PHF6: variants seen among roughly 807,000 people sequenced by gnomAD.
The protein encoded by PHF6 is PHD-like zinc finger protein.
In PHF6, 7 loss-of-function variants were observed where a neutral mutation model predicts 34.0. The ratio of observed to expected loss-of-function variants is 0.21; its 90% confidence interval spans 0.12 to 0.39. PHF6 has a LOEUF of 0.39. Among genes scored for constraint, PHF6 ranks in the 10% least tolerant of loss-of-function variants. The probability of loss-of-function intolerance (pLI) is 1.00; values close to 1 mark genes in which losing one functional copy is unlikely to be tolerated. For synonymous variants in PHF6, 89 were observed against 88.4 expected (o/e 1.01, Z -0.04); for missense variants, 128 against 262.8 (o/e 0.49, Z 3.55).
intron 3 of PHF6, among the ~76,000 whole-genome samples, chrX:134,391,536 A>G (rs2077354541): frequency 9.0e-6 from 1 of 111,473 alleles, no homozygotes; most frequent in South Asian, 3.7e-4. Context: ...TGTTGAGCTC[A>G]ATATAGTATT....
At chrX:134,399,686 G>GACACACACACACAC (rs749494093) in intron 5 of PHF6, among the ~76,000 whole-genome samples, 14 of 95,532 alleles carry the variant, frequency 1.5e-4, no homozygotes, top group African/African-American at 5.7e-4. Flanking sequence ...CACACACACA[G>GACACACACACACAC]ACACACACAC....
At chrX:134,406,568 T>A (rs911664184) in intron 5 of PHF6, among the ~76,000 whole-genome samples, 4 of 110,833 alleles carry the variant, frequency 3.6e-5, no homozygotes, top group African/African-American at 1.3e-4. Flanking sequence ...AGGAAGAGAG[T>A]TGGTGTCCTG....
intron 5 of PHF6, among the ~76,000 whole-genome samples, chrX:134,396,151 A>AC (rs2077376226): frequency 9.0e-6 from 1 of 111,695 alleles, no homozygotes; most frequent in African/African-American, 3.3e-5. Context: ...AATGTGAAAT[A>AC]AGTACATCAT....
At chrX:134,423,952 G>C (rs1412627116) in intron 9 of PHF6, among the ~76,000 whole-genome samples, 1 of 109,351 alleles carries the variant, frequency 9.1e-6, no homozygotes, top group Non-Finnish European at 1.9e-5. Context: ...CACATACCAG[G>C]GCCGGTCGTG....
At chrX:134,403,446 G>A (rs2077410994) in intron 5 of PHF6, among the ~76,000 whole-genome samples, 1 of 112,153 alleles carries the variant, frequency 8.9e-6, no homozygotes, top group South Asian at 3.7e-4. Context: ...AGAAAAGTTT[G>A]AAGCTAGCAG....
chrX:134,390,802 G>A (rs1165527742), intron 3 of PHF6, among the ~76,000 whole-genome samples: 1 of 110,386 alleles, frequency 9.1e-6, no homozygotes, highest in Non-Finnish European at 1.9e-5. Context: ...ACATAGTTGG[G>A]TTCATAATTC....
At chrX:134,410,913 C>T (rs775563576) in intron 5 of PHF6, among the ~76,000 whole-genome samples, 53 of 107,245 alleles carry the variant, frequency 4.9e-4, no homozygotes, top group African/African-American at 1.7e-3. Context: ...AGCCACTGCG[C>T]CCGGCCTTTT....
In PHF6 at chrX:134,393,959, C is replaced by A; in HGVS notation, c.418+7C>A. The stretch of plus-strand genomic sequence containing the variant: ...ACTGCACATAACTCCGAAGGTACAT[C>A]ATTTAGCCACGTTTCAGCCACTTTT... On this transcript the variant is annotated splice_region_variant and intron_variant, in intron 5 of 10. Coordinates refer to ENST00000370803, the MANE Select transcript of PHF6 (RefSeq NM_001015877.2). 1 of 1,207,910 alleles carries A rather than the reference C, an allele frequency of 8.3e-7. No individual in the cohort carries two copies.
intron 6 of PHF6, 64 bp from the exon 7 acceptor site, chrX:134,413,759 T>C: frequency 8.3e-7 from 1 of 1,198,469 alleles, no homozygotes; most frequent in Non-Finnish European, 1.1e-6. Flanking sequence ...TTAAGTAAGC[T>C]TGAAATACCG....
Position 134,394,834 on chromosome X carries a change from C to T in PHF6, c.418+882C>T, listed in dbSNP as rs186875280. Among the ~76,000 whole-genome samples, 407 of 109,184 alleles carry T rather than the reference C, an allele frequency of 3.7e-3. 2 individuals carry two copies. The highest frequency in any genetic ancestry group is 5.9e-3 in the Admixed American group (60 of 10,236). 94.8% of individuals were successfully genotyped at this position (109,184 alleles called of 115,157 possible). ...GATTACAGGCGTGAGCCACTGCGCCCGGCCTCGTTTCTTTTCTGTTTTCTT... is the reference window on the plus strand; with the variant it reads ...GATTACAGGCGTGAGCCACTGCGCCTGGCCTCGTTTCTTTTCTGTTTTCTT... On this transcript the variant is annotated intron_variant, in intron 5 of 10. Coordinates refer to ENST00000370803, the MANE Select transcript of PHF6 (RefSeq NM_001015877.2).
intron 7 of PHF6, 90 bp from the exon 8 acceptor site, chrX:134,414,926 G>T: frequency 1.4e-6 from 1 of 708,670 alleles, no homozygotes; most frequent in Non-Finnish European, 2.1e-6. Context: ...ATCTTTCTTC[G>T]GAAATTAAAT....
chrX:134,378,239 T>C, intron 3 of PHF6, 133 bp downstream of exon 3: 1 of 374,335 alleles, frequency 2.7e-6, no homozygotes, highest in Non-Finnish European at 4.5e-6. Flanking sequence ...TTTTTTTTTC[T>C]CTGAGCCAGC....
At position 134,428,106 on chromosome X, in the gene PHF6, TTTTC is replaced by T. The variant is rs1489643961; in HGVS notation, c.*2454_*2457del. 2 of 156,195 alleles carry T rather than the reference TTTTC, an allele frequency of 1.3e-5. No individual in the cohort carries two copies. Among genetic ancestry groups the T allele is most frequent in the Non-Finnish European group, 2.5e-5 (2 of 80,060 alleles). The allele number at this position is 156,195 out of a possible 1,213,427, so 12.9% of individuals were successfully genotyped here. A position where few individuals can be genotyped will look rare whatever the true frequency, so the allele number is the denominator to read the frequency against. On this transcript the variant is annotated 3_prime_UTR_variant, in exon 11 of 11. Transcript: ENST00000370803. The stretch of plus-strand genomic sequence containing the variant: ...TTAGCCTGAAATTTTGAAGCGTCTT[TTTTC>T]TTTCTTTTTTCTTTTTTTGTTTTGT...
intron 5 of PHF6, among the ~76,000 whole-genome samples, chrX:134,408,382 G>A (rs2077434546): frequency 8.9e-6 from 1 of 111,947 alleles, no homozygotes; most frequent in African/African-American, 3.2e-5. Flanking sequence ...CAAGTCAAAG[G>A]GTCTATGCAT....
chrX:134,376,035 G>A (rs1398223591), intron 1 of PHF6, among the ~76,000 whole-genome samples: 2 of 112,014 alleles, frequency 1.8e-5, no homozygotes, highest in African/African-American at 6.5e-5. Context: ...ATAGCATTAA[G>A]AGTTTGTTAA....
At chrX:134,412,826 A>G (rs2077456465) in intron 5 of PHF6, among the ~76,000 whole-genome samples, 1 of 112,379 alleles carries the variant, frequency 8.9e-6, no homozygotes, top group African/African-American at 3.2e-5. Context: ...TGCTTGTATT[A>G]GAAATTCTTT....
intron 3 of PHF6, among the ~76,000 whole-genome samples, chrX:134,379,370 A>G (rs2077293754): frequency 9.3e-6 from 1 of 107,978 alleles, no homozygotes; most frequent in South Asian, 4.1e-4. Context: ...CCCATCCCCA[A>G]AACTGTAGAT....
At chrX:134,383,727 G>A (rs993934727) in intron 3 of PHF6, among the ~76,000 whole-genome samples, 3 of 111,835 alleles carry the variant, frequency 2.7e-5, no homozygotes, top group African/African-American at 9.7e-5. Context: ...TTGAGGCTCA[G>A]ATGAGTTAAG....
intron 6 of PHF6, 32 bp from the exon 7 acceptor site, chrX:134,413,791 T>C (rs1399259625): frequency 8.3e-7 from 1 of 1,210,672 alleles, no homozygotes; most frequent in East Asian, 3.0e-5. Flanking sequence ...TCATGATTTT[T>C]TTTAAGTTCG....
Sources: allele counts gnomAD v4.1 joint callset (sites outside exome capture counted in the v4.1 genomes callset), GRCh38; gene constraint gnomAD v4.1.1; transcripts MANE v1.5; gene names NCBI Gene and HGNC (gene_info 2026-07-23, HGNC 2026-07-21).